The following TMTC3 variants were observed in gnomAD, a reference collection of about 807,000 sequenced individuals.
TMTC3 encodes transmembrane O-mannosyltransferase targeting cadherins 3.
In TMTC3, 52 loss-of-function variants were observed where a neutral mutation model predicts 92.2. That is an observed-to-expected ratio of 0.56 (90% CI 0.45 to 0.71). TMTC3 has a LOEUF of 0.71. Ranked by LOEUF, TMTC3 falls within the 30% of genes least tolerant of loss-of-function variation. The pLI is 0.00. For missense variants in TMTC3, 896 were observed against 1,057.1 expected (o/e 0.85, Z 2.11); for synonymous variants, 339 against 363.3 (o/e 0.93, Z 0.76).
chr12:88,184,789 T>C (rs1022052953), intron 10 of TMTC3, among the ~76,000 whole-genome samples: 28 of 151,830 alleles, frequency 1.8e-4, no homozygotes, highest in South Asian at 4.2e-4. Context: ...TATATATATA[T>C]ACACACACAC....
chr12:88,195,735 C>G lies in TMTC3; in HGVS notation c.*86C>G. 1 of 1,179,660 alleles carries G rather than the reference C, an allele frequency of 8.5e-7. No homozygotes were observed. The highest frequency in any genetic ancestry group is 1.7e-5 in the South Asian group (1 of 59,966). 73.1% of individuals were successfully genotyped at this position (1,179,660 alleles called of 1,614,324 possible). A position where few individuals can be genotyped will look rare whatever the true frequency, so the allele number is the denominator to read the frequency against. On this transcript the variant is annotated 3_prime_UTR_variant, in exon 14 of 14. Transcript: ENST00000266712. ...TTACTGGGAGCTTTGAAAAAAAGTT[C>G]AAGGGTTCCTAATGGTCAATCATGA...
intron 9 of TMTC3, 28 bp downstream of exon 9, chr12:88,174,755 A>G (rs778931756): frequency 1.2e-5 from 19 of 1,609,598 alleles, no homozygotes; most frequent in Non-Finnish European, 1.4e-5. Context: ...ATGACAGGAA[A>G]GTATGTCATC....
At chr12:88,147,133 A>C (rs142022587) in intron 1 of TMTC3, among the ~76,000 whole-genome samples, 9 of 151,812 alleles carry the variant, frequency 5.9e-5, no homozygotes, top group African/African-American at 2.2e-4. Context: ...TTTAACAGCT[A>C]ATGTATCAAG....
chr12:88,195,834 G>C lies in TMTC3; in HGVS notation c.*185G>C. On this transcript the variant is annotated 3_prime_UTR_variant, in exon 14 of 14. Coordinates refer to ENST00000266712, the MANE Select transcript of TMTC3 (RefSeq NM_181783.4). Reference sequence around the variant, plus strand: ...TATCCCAGGATGTATATTATGTATCGCTGTTTTCAGAGTGTGGGTGAATAT... The same window carrying C: ...TATCCCAGGATGTATATTATGTATCCCTGTTTTCAGAGTGTGGGTGAATAT... The C allele has an allele frequency of 2.2e-6, 1 of 446,304 alleles. No homozygotes were observed. The highest frequency in any genetic ancestry group is 3.5e-5 in the East Asian group (1 of 28,636). 27.6% of individuals were successfully genotyped at this position (446,304 alleles called of 1,614,324 possible). A position where few individuals can be genotyped will look rare whatever the true frequency, so the allele number is the denominator to read the frequency against.
chr12:88,152,914 C>T (rs1468114921), intron 2 of TMTC3, among the ~76,000 whole-genome samples: 7 of 152,186 alleles, frequency 4.6e-5, no homozygotes, highest in Admixed American at 3.3e-4. Context: ...GTTACATGAA[C>T]TTTTGTATTG....
rs533189653 is a variant in TMTC3, at chr12:88,156,811, G to GTGTT, written c.508+2425_508+2426insGTTT. On this transcript the variant is annotated intron_variant, in intron 4 of 13. Transcript: ENST00000266712. ...ATGCTAAGGTTTTGTGTGTGTGTGTGTTTTTTTTTTTTTTTTTACAAAAAG... is the reference window on the plus strand; with the variant it reads ...ATGCTAAGGTTTTGTGTGTGTGTGTGTGTTTTTTTTTTTTTTTTTTTACAAAAAG... 6.2e-3 allele frequency among the ~76,000 whole-genome samples: 846 copies of GTGTT among 136,738 alleles called. 3 individuals are homozygous for GTGTT. Among genetic ancestry groups the GTGTT allele is most frequent in the Non-Finnish European group, 9.3e-3 (601 of 64,326 alleles). 89.7% of individuals were successfully genotyped at this position (136,738 alleles called of 152,430 possible).
intron 11 of TMTC3, among the ~76,000 whole-genome samples, chr12:88,189,999 A>C (rs2041424524): frequency 6.6e-6 from 1 of 152,078 alleles, no homozygotes; most frequent in African/African-American, 2.4e-5. Context: ...AAATATTATT[A>C]CAATTGAGAA....
At chr12:88,160,952 GT>G (rs1433624641) in intron 6 of TMTC3, 101 bp downstream of exon 6, 14 of 1,226,604 alleles carry the variant, frequency 1.1e-5, no homozygotes, top group Non-Finnish European at 1.5e-5. Context: ...TTTTTTAACA[GT>G]TTTATTAAGC....
intron 6 of TMTC3, among the ~76,000 whole-genome samples, chr12:88,161,791 T>C (rs2041082633): frequency 6.6e-6 from 1 of 151,174 alleles, no homozygotes; most frequent in Non-Finnish European, 1.5e-5. Flanking sequence ...TATTCTAATT[T>C]CGAATATATA....
Position 88,192,685 on chromosome 12 carries a change from T to C in TMTC3, c.1788T>C (p.Asn596=). 3 of 1,613,514 alleles carry C rather than the reference T, an allele frequency of 1.9e-6. No homozygotes were observed. Among genetic ancestry groups the C allele is most frequent in the Non-Finnish European group, 2.5e-6 (3 of 1,179,680 alleles). ...YLKALELDRN[N]ADLWYNLAIV... is the part of the protein sequence containing the mutation. ...AAGCACTAGAGCTGGACAGAAATAATGCAGATCTTTGGTACAACTTGGCAA... is the reference window on the plus strand; with the variant it reads ...AAGCACTAGAGCTGGACAGAAATAACGCAGATCTTTGGTACAACTTGGCAA... Residue 596 remains asparagine (N), a synonymous_variant, in exon 13 of 14, where the codon AAT becomes AAC. Transcript: ENST00000266712.
chr12:88,191,816 T>A (rs1380368895), intron 12 of TMTC3, among the ~76,000 whole-genome samples: 1 of 151,946 alleles, frequency 6.6e-6, no homozygotes, highest in Non-Finnish European at 1.5e-5. Flanking sequence ...TTCAAGTAAT[T>A]CTTGTTCCTC....
chr12:88,158,592 T>G (rs1031246681), intron 4 of TMTC3, among the ~76,000 whole-genome samples: 3 of 152,140 alleles, frequency 2.0e-5, no homozygotes, highest in Admixed American at 6.5e-5. Flanking sequence ...TATTTTTTCC[T>G]TCAGTAATTT....
In TMTC3 at chr12:88,194,830, C is replaced by G. The variant is rs747882725; in HGVS notation, c.1934-8C>G. 1 of 1,490,920 alleles carries G rather than the reference C, an allele frequency of 6.7e-7. No individual in the cohort carries two copies. The highest frequency in any genetic ancestry group is 1.5e-5 in the South Asian group (1 of 68,272). The allele number at this position is 1,490,920 out of a possible 1,614,324, so 92.4% of individuals were successfully genotyped here. ...ACAATATATTTTTTCTTTAAAAAAACTTTCTAGGTGAGGTTAAACTCAGAC... is the reference window on the plus strand; with the variant it reads ...ACAATATATTTTTTCTTTAAAAAAAGTTTCTAGGTGAGGTTAAACTCAGAC... On this transcript the variant is annotated splice_polypyrimidine_tract_variant and splice_region_variant and intron_variant, in intron 13 of 13. Transcript: ENST00000266712.
Position 88,160,222 on chromosome 12 carries a change from C to A in TMTC3, c.617C>A (p.Ala206Asp). 1 of 1,529,770 alleles carries A rather than the reference C, an allele frequency of 6.5e-7. No individual in the cohort carries two copies. The highest frequency in any genetic ancestry group is 8.7e-7 in the Non-Finnish European group (1 of 1,143,152). The allele number at this position is 1,529,770 out of a possible 1,614,324, so 94.8% of individuals were successfully genotyped here. The change falls in exon 5 of 14, where the codon GCC becomes GAC. Residue 206 changes from alanine to aspartate, a missense_variant. Coordinates refer to ENST00000266712, the MANE Select transcript of TMTC3 (RefSeq NM_181783.4). ...GICCVYEVFI[A>D]QGYTLPLLCT... Reference sequence around the variant, plus strand: ...TGCTGTGTGTATGAAGTGTTTATTGCCCAGGGGGTAAGCCAAACTATAAAT... The same window carrying A: ...TGCTGTGTGTATGAAGTGTTTATTGACCAGGGGGTAAGCCAAACTATAAAT...
At chr12:88,144,841 A>G (rs1474103447) in intron 1 of TMTC3, among the ~76,000 whole-genome samples, 1 of 152,214 alleles carries the variant, frequency 6.6e-6, no homozygotes, top group Non-Finnish European at 1.5e-5. Context: ...TTCTAGTTCA[A>G]TAACTCACTG....
chr12:88,146,635 G>GTA (rs905584697), intron 1 of TMTC3, among the ~76,000 whole-genome samples: 2 of 147,838 alleles, frequency 1.4e-5, no homozygotes, highest in African/African-American at 4.9e-5. Flanking sequence ...ACATATATAT[G>GTA]TATATATATG....
intron 7 of TMTC3, among the ~76,000 whole-genome samples, chr12:88,170,940 T>C (rs1039531371): frequency 1.3e-5 from 2 of 152,230 alleles, no homozygotes; most frequent in South Asian, 4.1e-4. Flanking sequence ...CATTTCAATG[T>C]TCAGTGTTAT....
chr12:88,180,773 A>G (rs893840763), intron 10 of TMTC3, among the ~76,000 whole-genome samples: 1 of 152,158 alleles, frequency 6.6e-6, no homozygotes, highest in Non-Finnish European at 1.5e-5. Context: ...GGGTGTGAAC[A>G]CAAGCATATT....
chr12:88,160,759 A>G lies in TMTC3; in HGVS notation c.705A>G (p.Thr235=). The change falls in exon 6 of 14, where the codon ACA becomes ACG. Residue 235 remains threonine (T), a synonymous_variant. Coordinates refer to ENST00000266712, the MANE Select transcript of TMTC3 (RefSeq NM_181783.4). The part of the protein sequence containing the change: ...KGSIPFSMLQ[T]LVKLIVLMFS... ...GCATTCCATTTTCTATGCTGCAGAC[A>G]CTAGTAAAACTCATTGTCTTGATGT... is the stretch of plus-strand genomic sequence containing the variant. 6.2e-7 allele frequency: 1 copy of G among 1,613,660 alleles called. No individual in the cohort carries two copies. The highest frequency in any genetic ancestry group is 8.5e-7 in the Non-Finnish European group (1 of 1,179,744).
Sources: gnomAD v4.1 joint callset for allele counts (sites outside exome capture counted in the v4.1 genomes callset) on GRCh38, gnomAD v4.1.1 for gene constraint, MANE v1.5 for transcripts, NCBI Gene and HGNC (gene_info 2026-07-23, HGNC 2026-07-21) for gene names.